Variants in GBE1 observed in about 807,000 individuals in gnomAD.
GBE1 encodes 1,4-alpha-glucan-branching enzyme.
A neutral mutation model predicts 88.8 loss-of-function variants in GBE1; 70 were observed. The observed-to-expected ratio is 0.79, with a 90% CI of 0.65 to 0.96. The LOEUF (loss-of-function observed/expected upper bound fraction) is 0.96. Ranked by LOEUF, GBE1 falls within the 40% of genes least tolerant of loss-of-function variation. The pLI, the probability that GBE1 is intolerant of heterozygous loss-of-function variation, is 0.00. For synonymous variants in GBE1, 284 were observed against 300.1 expected, an observed-to-expected ratio of 0.95 and a Z score of 0.56; for missense variants, 872 against 871.0, an observed-to-expected ratio of 1.00 and a Z score of -0.01.
chr3:81,510,079 A>G (rs1047580111), intron 14 of GBE1, among the ~76,000 whole-genome samples: 1 of 152,060 alleles, frequency 6.6e-6, no homozygotes, highest in Non-Finnish European at 1.5e-5. Flanking sequence ...AAGACTTTCC[A>G]TATCTACTTT....
intron 5 of GBE1, 29 bp from the exon 6 acceptor site, chr3:81,646,511 T>A: frequency 8.2e-7 from 1 of 1,224,924 alleles, no homozygotes; most frequent in Non-Finnish European, 1.2e-6. Flanking sequence ...AAATCTAAAT[T>A]AAAAGCCACA....
chr3:81,497,495 G>T (rs1018305363), intron 15 of GBE1, among the ~76,000 whole-genome samples: 1 of 152,170 alleles, frequency 6.6e-6, no homozygotes, highest in Non-Finnish European at 1.5e-5. Flanking sequence ...TCATTTTACA[G>T]GTGGGGGAAA....
chr3:81,758,037 G>A (rs764245642), intron 1 of GBE1, among the ~76,000 whole-genome samples: 6 of 152,192 alleles, frequency 3.9e-5, no homozygotes, highest in African/African-American at 7.2e-5. Flanking sequence ...CAATGCTAGA[G>A]ATAAAGAAAA....
At chr3:81,698,424 C>A (rs1016036699) in intron 2 of GBE1, among the ~76,000 whole-genome samples, 9 of 152,032 alleles carry the variant, frequency 5.9e-5, no homozygotes, top group African/African-American at 2.2e-4. Flanking sequence ...GTTTATAATT[C>A]CCAACTCCCT....
chr3:81,756,367 T>C (rs751013526), intron 1 of GBE1, among the ~76,000 whole-genome samples: 1 of 152,186 alleles, frequency 6.6e-6, no homozygotes, highest in Non-Finnish European at 1.5e-5. Context: ...GAATTGACCA[T>C]AGACTCACTG....
chr3:81,724,705 T>C (rs1706082737), intron 1 of GBE1, among the ~76,000 whole-genome samples: 1 of 152,044 alleles, frequency 6.6e-6, no homozygotes, highest in African/African-American at 2.4e-5. Context: ...TGTCTTTCAT[T>C]GAAAGAAAAG....
chr3:81,636,277 C>T (rs1445370534), intron 7 of GBE1, among the ~76,000 whole-genome samples: 8 of 152,020 alleles, frequency 5.3e-5, no homozygotes, highest in Non-Finnish European at 8.8e-5. Context: ...CTTAATCAAG[C>T]TGAAATAAGA....
At chr3:81,744,290 CTT>C (rs1491059690) in intron 1 of GBE1, among the ~76,000 whole-genome samples, 1 of 151,756 alleles carries the variant, frequency 6.6e-6, no homozygotes, top group African/African-American at 2.4e-5. Context: ...CATCAGTACT[CTT>C]AAGTTACATG....
Position 81,648,964 on chromosome 3 carries a change from G to A in GBE1, c.583C>T (p.Arg195Trp), listed in dbSNP as rs371086146. ...EFKHSRPKKP[R>W]SLRIYESHVG... is the part of the protein sequence containing the mutation. ...TGAGATTCATAAATTCTTAGACTCC[G>A]TGGCTTCTTTGGTCTGGAATGCTTA... The change falls in exon 5 of 16, where the codon CGG becomes TGG. Residue 195 changes from arginine to tryptophan, a missense_variant. Physicochemically the swap from Arg to Trp is moderately radical, Grantham distance 101. Transcript: ENST00000429644. 2.9e-5 allele frequency: 46 copies of A among 1,585,734 alleles called. No homozygotes were observed. The highest frequency in any genetic ancestry group is 5.8e-5 in the South Asian group (5 of 85,642).
intron 12 of GBE1, among the ~76,000 whole-genome samples, chr3:81,568,680 C>G (rs1036737309): frequency 6.6e-6 from 1 of 152,006 alleles, no homozygotes; most frequent in Non-Finnish European, 1.5e-5. Flanking sequence ...CCAAAAGTTC[C>G]CAAATGCGTT....
chr3:81,591,963 A>G (rs1276728665), intron 8 of GBE1, among the ~76,000 whole-genome samples: 1 of 152,118 alleles, frequency 6.6e-6, no homozygotes, highest in African/African-American at 2.4e-5. Flanking sequence ...CAATATAACT[A>G]CCAAGTTTCT....
intron 1 of GBE1, among the ~76,000 whole-genome samples, chr3:81,722,909 TATATATACAC>T (rs1706054594): frequency 6.9e-6 from 1 of 144,580 alleles, no homozygotes; most frequent in Non-Finnish European, 1.5e-5. Flanking sequence ...TATATATATA[TATATATACAC>T]ACAAGTAAAT....
chr3:81,502,473 T>C (rs6768895), intron 14 of GBE1, among the ~76,000 whole-genome samples: 44,634 of 152,108 alleles, frequency 0.29, 6,766 homozygotes, highest in East Asian at 0.43. Flanking sequence ...GTGTCTACAT[T>C]GCCCAGGGAA....
chr3:81,677,767 T>C (rs1194719820), intron 2 of GBE1, among the ~76,000 whole-genome samples: 1 of 152,148 alleles, frequency 6.6e-6, no homozygotes, highest in Non-Finnish European at 1.5e-5. Context: ...CAACTTCTAC[T>C]GGCAGCTAGT....
intron 1 of GBE1, among the ~76,000 whole-genome samples, chr3:81,729,680 C>A (rs1158918383): frequency 6.6e-6 from 1 of 152,084 alleles, no homozygotes; most frequent in Non-Finnish European, 1.5e-5. Context: ...TCTTAGACAT[C>A]AGATGAACAC....
At chr3:81,680,640 G>A (rs1394071554) in intron 2 of GBE1, among the ~76,000 whole-genome samples, 11 of 151,886 alleles carry the variant, frequency 7.2e-5, no homozygotes, top group African/African-American at 2.7e-4. Context: ...TTTTTACCTA[G>A]TATTATGGAC....
At chr3:81,588,896 C>A (rs150010485) in intron 9 of GBE1, among the ~76,000 whole-genome samples, 186 of 152,222 alleles carry the variant, frequency 1.2e-3, no homozygotes, top group African/African-American at 4.2e-3. Flanking sequence ...CTAGACTAAA[C>A]CCCTGGTGAT....
Position 81,712,590 on chromosome 3 carries a change from T to C in GBE1, c.144-6977A>G, listed in dbSNP as rs555122953. Among the ~76,000 whole-genome samples the C allele has an allele frequency of 9.2e-5, 14 of 151,744 alleles. No homozygotes were observed. The South Asian group carries it at 2.5e-3, about 27-fold the overall frequency. ...GCATGTTCTCACTCATAGGTGGGAA[T>C]TGAACAATGAGAACACTTGGACACA... is the stretch of plus-strand genomic sequence containing the variant. On this transcript the variant is annotated intron_variant, in intron 1 of 15. Transcript: ENST00000429644.
rs180860761 is a variant in GBE1 at position 81,550,281 on chromosome 3, A to G, written c.1619-13186T>C. 1.9e-4 allele frequency among the ~76,000 whole-genome samples: 29 copies of G among 151,450 alleles called. 1 individual carries two copies. Among genetic ancestry groups the G allele is most frequent in the Admixed American group, 1.2e-3 (19 of 15,202 alleles). ...ATCTTCCAGATATCACCTTTTTTTC[A>G]GCACTCAATAGTTACGAATGGCTAT... is the stretch of plus-strand genomic sequence containing the variant. On this transcript the variant is annotated intron_variant, in intron 12 of 15. Coordinates refer to ENST00000429644, the MANE Select transcript of GBE1 (RefSeq NM_000158.4).
Sources: allele counts gnomAD v4.1 joint callset (sites outside exome capture counted in the v4.1 genomes callset), GRCh38; gene constraint gnomAD v4.1.1; transcripts MANE v1.5; gene names NCBI Gene and HGNC (gene_info 2026-07-23, HGNC 2026-07-21).